Variants in CNOT1 observed in about 807,000 individuals in gnomAD.
The protein encoded by CNOT1 is CCR4-associated factor 1.
CNOT1 carries 15 observed loss-of-function variants against 273.8 expected under a neutral mutation model. The ratio of observed to expected loss-of-function variants is 0.05; its 90% CI spans 0.04 to 0.08. The LOEUF (loss-of-function observed/expected upper bound fraction) is 0.08, where lower values mean the gene tolerates loss of function less well. Ranked by LOEUF, CNOT1 falls within the 10% of genes least tolerant of loss-of-function variation. The probability of loss-of-function intolerance (pLI) is 1.00; values close to 1 mark genes in which losing one functional copy is unlikely to be tolerated. For missense variants in CNOT1, 1,644 were observed against 2,912.2 expected (o/e 0.56, Z 10.02); for synonymous variants, 1,022 against 1,005.5 (o/e 1.02, Z -0.31).
chr16:58,608,479 G>C (rs1397067247), intron 1 of CNOT1, among the ~76,000 whole-genome samples: 1 of 151,366 alleles, frequency 6.6e-6, no homozygotes, highest in Non-Finnish European at 1.5e-5. Flanking sequence ...TGTTGAGCCT[G>C]GGAGGCTGAG....
At chr16:58,615,668 G>C (rs1287880916) in intron 1 of CNOT1, among the ~76,000 whole-genome samples, 2 of 126,220 alleles carry the variant, frequency 1.6e-5, no homozygotes, top group African/African-American at 2.7e-5. Flanking sequence ...CCTAATAACA[G>C]ACAAAATGAT....
intron 12 of CNOT1, among the ~76,000 whole-genome samples, chr16:58,579,745 G>A (rs537861582): frequency 2.0e-5 from 3 of 152,204 alleles, no homozygotes; most frequent in East Asian, 3.9e-4. Flanking sequence ...GTAGCCCTGC[G>A]TACTTCAAAA....
At chr16:58,524,883 G>GTTTA (rs2039534095) in intron 46 of CNOT1, among the ~76,000 whole-genome samples, 1 of 152,156 alleles carries the variant, frequency 6.6e-6, no homozygotes, top group African/African-American at 2.4e-5. Context: ...AATGTAACAA[G>GTTTA]AGGCTATGTT....
intron 17 of CNOT1, among the ~76,000 whole-genome samples, chr16:58,559,093 T>C (rs886456650): frequency 9.9e-5 from 15 of 152,240 alleles, no homozygotes; most frequent in Non-Finnish European, 2.1e-4. Context: ...TATACAGTTT[T>C]TTTAAAAGAA....
intron 34 of CNOT1, among the ~76,000 whole-genome samples, chr16:58,541,256 ACCAT>A (rs1224537919): frequency 1.3e-5 from 2 of 152,192 alleles, no homozygotes; most frequent in Non-Finnish European, 2.9e-5. Flanking sequence ...TTATTATGTT[ACCAT>A]GAGAATTCCC....
At chr16:58,559,009 G>A (rs891359124) in intron 17 of CNOT1, among the ~76,000 whole-genome samples, 2 of 152,198 alleles carry the variant, frequency 1.3e-5, no homozygotes, top group Admixed American at 6.5e-5. Context: ...CCATCATGGG[G>A]ATGGGACCCA....
At chr16:58,599,066 AAAAAG>A in intron 2 of CNOT1, 165 bp downstream of exon 2, 1 of 807,118 alleles carries the variant, frequency 1.2e-6, no homozygotes, top group Non-Finnish European at 1.8e-6. Context: ...AAAAAAAAAA[AAAAAG>A]ATTGGGCTAA....
rs2039796159 is a variant in CNOT1, at chr16:58,532,219, A to G, written c.6059+13T>C. 6.2e-7 allele frequency: 1 copy of G among 1,612,222 alleles called. No homozygotes were observed. The highest frequency in any genetic ancestry group is 8.5e-7 in the Non-Finnish European group (1 of 1,178,448). ...AGCAAACCTTAACACAAAATCGCAA[A>G]CACAATACTCACCAGAAAGCTGTAA... On this transcript the variant is annotated intron_variant, in intron 41 of 48. Transcript: ENST00000317147.
rs753913370 is a variant in CNOT1 at position 58,546,308 on chromosome 16, T to A, written c.4006+13A>T. On this transcript the variant is annotated intron_variant, in intron 29 of 48. Coordinates refer to ENST00000317147, the MANE Select transcript of CNOT1 (RefSeq NM_016284.5). ...GCTAACAGAAGCCTTCCTTGACTAA[T>A]TAGCACACTTACTTGTGGTTGTGAT... 3.7e-5 allele frequency: 60 copies of A among 1,609,142 alleles called. No individual in the cohort carries two copies. In the South Asian group the frequency reaches 4.6e-4, roughly 12 times the overall value.
intron 1 of CNOT1, among the ~76,000 whole-genome samples, chr16:58,611,462 G>A (rs1437020627): frequency 6.6e-6 from 1 of 151,880 alleles, no homozygotes; most frequent in African/African-American, 2.4e-5. Flanking sequence ...AAACTCCCCA[G>A]TCAATTACTG....
rs1015238366 is a variant in CNOT1, at chr16:58,538,829, T to C, written c.5078A>G (p.Lys1693Arg). 5.0e-6 allele frequency: 8 copies of C among 1,612,338 alleles called. No individual in the cohort carries two copies. Among genetic ancestry groups the C allele is most frequent in the Non-Finnish European group, 5.9e-6 (7 of 1,179,736 alleles). The change falls in exon 36 of 49, where the codon AAA (lysine) becomes AGA (arginine). Residue 1693 changes from lysine (K) to arginine (R), a missense_variant. Physicochemically the swap from Lys to Arg is conservative, Grantham distance 26. This residue lies in a region of CNOT1 where 170 missense variants were observed against 273.1 expected (regional missense o/e 0.62). Transcript: ENST00000317147. Reference protein sequence around the residue: ...RYRECHLLVLKALQDGRAYGS... With the variant: ...RYRECHLLVLRALQDGRAYGS... ...ATATGCCCGGCCATCCTGCAGAGCT[T>C]TTAGGACCAAGAGGTGGCATTCCCT...
At chr16:58,549,576 A>G (rs1357144829) in intron 25 of CNOT1, 143 bp downstream of exon 25, 4 of 1,345,136 alleles carry the variant, frequency 3.0e-6, no homozygotes, top group East Asian at 2.6e-5. Context: ...TTAGTTCCAT[A>G]TAAGAAACAA....
At chr16:58,624,139 T>C (rs186538894) in intron 1 of CNOT1, among the ~76,000 whole-genome samples, 3 of 152,192 alleles carry the variant, frequency 2.0e-5, no homozygotes, top group African/African-American at 7.2e-5. Context: ...GAGATTAGCA[T>C]TGGAAGTGGG....
chr16:58,585,291 T>C lies in CNOT1; in HGVS notation c.806+47A>G, dbSNP rs76790791. On this transcript the variant is annotated intron_variant, in intron 8 of 48. Coordinates refer to ENST00000317147, the MANE Select transcript of CNOT1 (RefSeq NM_016284.5). ...AGACTTTTTTTAAAGAATTACATCA[T>C]GTTTGGCACAAGAATAATCAGAAGC... The C allele has an allele frequency of 8.8e-4, 1,415 of 1,604,602 alleles. 10 individuals are homozygous for C. The African/African-American group carries it at 0.016, about 18-fold the overall frequency.
At chr16:58,574,024 G>A (rs1340825161) in intron 16 of CNOT1, among the ~76,000 whole-genome samples, 2 of 152,004 alleles carry the variant, frequency 1.3e-5, no homozygotes, top group Non-Finnish European at 2.9e-5. Context: ...GCTGTGGCAG[G>A]AGGATCACTT....
intron 1 of CNOT1, among the ~76,000 whole-genome samples, chr16:58,627,202 T>A (rs943212421): frequency 6.6e-6 from 1 of 151,468 alleles, no homozygotes; most frequent in Non-Finnish European, 1.5e-5. Flanking sequence ...AAGTTAAGAG[T>A]TCGAGACCAT....
intron 1 of CNOT1, among the ~76,000 whole-genome samples, chr16:58,625,217 T>C (rs1419041455): frequency 2.0e-5 from 3 of 151,644 alleles, no homozygotes; most frequent in Non-Finnish European, 4.4e-5. Flanking sequence ...AAACCCCATC[T>C]CTACTAAAAA....
rs2039953949 is a variant in CNOT1, at chr16:58,537,278, A to G, written c.5415-58T>C. ...TCCTCGTAGTTGTGATTTTACAGAC[A>G]TACGCATGTATAGTTTGCTTATTTA... On this transcript the variant is annotated intron_variant, in intron 38 of 48. Transcript: ENST00000317147. 18 of 1,524,622 alleles carry G rather than the reference A, an allele frequency of 1.2e-5. No individual in the cohort carries two copies. In the South Asian group the frequency reaches 2.0e-4, roughly 17 times the overall value. The allele number at this position is 1,524,622 out of a possible 1,614,324, so 94.4% of individuals were successfully genotyped here. A position where few individuals can be genotyped will look rare whatever the true frequency, so the allele number is the denominator to read the frequency against.
rs1334205705 is a variant in CNOT1, at chr16:58,547,540, T to G, written c.3639+26A>C. Reference sequence around the variant, plus strand: ...ATCATAATGTGCTGAAGATTCTCAATTTTTACACATTTAGATGAAACTCAC... The same window carrying G: ...ATCATAATGTGCTGAAGATTCTCAAGTTTTACACATTTAGATGAAACTCAC... On this transcript the variant is annotated intron_variant, in intron 26 of 48. Coordinates refer to ENST00000317147, the MANE Select transcript of CNOT1 (RefSeq NM_016284.5). The surrounding 1 kb of genome is among the most constrained non-coding windows in gnomAD (Gnocchi z 4.0). 3.8e-6 allele frequency: 6 copies of G among 1,590,992 alleles called. No homozygotes were observed. Among genetic ancestry groups the G allele is most frequent in the Non-Finnish European group, 5.1e-6 (6 of 1,167,292 alleles).
Sources: gnomAD v4.1 joint callset for allele counts (sites outside exome capture counted in the v4.1 genomes callset) on GRCh38, gnomAD v4.1.1 for gene constraint, gnomAD v4.1.1 regional missense constraint, Gnocchi (gnomAD v3.1) non-coding constraint, MANE v1.5 for transcripts, NCBI Gene and HGNC (gene_info 2026-07-23, HGNC 2026-07-21) for gene names.